The following LMTK3 variants were observed in gnomAD, a reference collection of about 807,000 sequenced individuals.
The protein encoded by LMTK3 is lemur tail kinase 3.
LMTK3 carries 27 observed loss-of-function variants against 116.7 expected under a neutral mutation model. The observed-to-expected ratio is 0.23, with a 90% CI of 0.17 to 0.32. LMTK3 has a LOEUF of 0.32. Ranked by LOEUF, LMTK3 falls within the 10% of genes least tolerant of loss-of-function variation. The pLI is 1.00. For missense variants in LMTK3, 1,764 were observed against 2,068.5 expected, an observed-to-expected ratio of 0.85 and a Z score of 2.86; for synonymous variants, 965 against 971.0, an observed-to-expected ratio of 0.99 and a Z score of 0.11.
Position 48,499,816 on chromosome 19 carries a change from CG to C in LMTK3, c.1252del (p.Arg418GlyfsTer117). Reference protein sequence around the residue: ...LTYLLSERPPRPPPPPPPPRD... With the variant: ...LTYLLSERPPXPPPPPPPPRD... ...GGGTGGGGGTGGCGGCGGTGGGGGCCGGGGAGGCCGCTCGGAGAGCAAGTAG... is the reference window on the plus strand; with the variant it reads ...GGGTGGGGGTGGCGGCGGTGGGGGCCGGGAGGCCGCTCGGAGAGCAAGTAG... On this transcript the variant is annotated frameshift_variant, in exon 11 of 15. Transcript: ENST00000600059. LOFTEE classifies it high-confidence loss of function. The C allele has an allele frequency of 8.0e-7, 1 of 1,243,642 alleles. No homozygotes were observed. Among genetic ancestry groups the C allele is most frequent in the Non-Finnish European group, 1.1e-6 (1 of 918,846 alleles). 77.0% of individuals were successfully genotyped at this position (1,243,642 alleles called of 1,614,324 possible).
intron 5 of LMTK3, among the ~76,000 whole-genome samples, chr19:48,508,067 G>A (rs963322770): frequency 2.0e-5 from 3 of 152,068 alleles, no homozygotes; most frequent in South Asian, 2.1e-4. Context: ...GATGCGCTGC[G>A]GCAGGGAATT....
chr19:48,487,436 A>G (rs1239680200), intron 14 of LMTK3, among the ~76,000 whole-genome samples: 1 of 152,066 alleles, frequency 6.6e-6, no homozygotes, highest in East Asian at 1.9e-4. Context: ...TGGTCTCACA[A>G]AGTGCTGGAA....
upstream of LMTK3, chr19:48,513,164 T>C: frequency 6.2e-7 from 1 of 1,604,062 alleles, no homozygotes; most frequent in Non-Finnish European, 8.5e-7. The surrounding 1 kb of genome is among the most constrained non-coding windows in gnomAD (Gnocchi z 5.6). Context: ...TACGCAGACA[T>C]TACACAACCA....
intron 5 of LMTK3, 47 bp downstream of exon 5, chr19:48,508,804 G>T: frequency 1.4e-6 from 2 of 1,415,680 alleles, no homozygotes; most frequent in Non-Finnish European, 2.0e-6. Flanking sequence ...TTCCACTCCT[G>T]AATGTCACCT....
chr19:48,488,931 G>A (rs1453020223), intron 14 of LMTK3, among the ~76,000 whole-genome samples: 4 of 152,068 alleles, frequency 2.6e-5, no homozygotes, highest in Admixed American at 2.6e-4. Context: ...TAGAGACAGG[G>A]TTTCTCCATG....
At chr19:48,512,418 A>G (rs2147565623), upstream of LMTK3, among the ~76,000 whole-genome samples, 1 of 152,234 alleles carries the variant, frequency 6.6e-6, no homozygotes, top group South Asian at 2.1e-4. Context: ...CCACAGACAA[A>G]GATCCCCACG....
At position 48,499,369 on chromosome 19, in the gene LMTK3, G is replaced by A. The variant is rs776850289; in HGVS notation, c.1700C>T (p.Pro567Leu). 2 of 1,425,166 alleles carry A rather than the reference G, an allele frequency of 1.4e-6. No individual in the cohort carries two copies. Among genetic ancestry groups the A allele is most frequent in the African/African-American group, 2.9e-5 (2 of 68,386 alleles). The allele number at this position is 1,425,166 out of a possible 1,614,324, so 88.3% of individuals were successfully genotyped here. Residue 567 changes from proline (P) to leucine (L), a missense_variant, in exon 11 of 15, where the codon CCT (proline) becomes CTT (leucine). Coordinates refer to ENST00000600059, the MANE Select transcript of LMTK3 (RefSeq NM_001388485.1). The part of the protein sequence containing the change: ...WDPLDPGVPA[P>L]QAPQAPSEVP... ...CTCGGAGGGGGCCTGGGGGGCCTGAGGGGCGGGCACTCCTGGGTCCAGGGG... is the reference window on the plus strand; with the variant it reads ...CTCGGAGGGGGCCTGGGGGGCCTGAAGGGCGGGCACTCCTGGGTCCAGGGG...
At position 48,499,201 on chromosome 19, in the gene LMTK3, C is replaced by T. The variant is rs989260435; in HGVS notation, c.1868G>A (p.Gly623Glu). 1.4e-6 allele frequency: 2 copies of T among 1,434,574 alleles called. No homozygotes were observed. The allele number at this position is 1,434,574 out of a possible 1,614,324, so 88.9% of individuals were successfully genotyped here. A position where few individuals can be genotyped will look rare whatever the true frequency, so the allele number is the denominator to read the frequency against. The change falls in exon 11 of 15, where the codon GGA becomes GAA. Residue 623 changes from glycine (G) to glutamate (E), a missense_variant. Physicochemically the swap from Gly to Glu is moderately conservative, Grantham distance 98 (BLOSUM62 -2). Coordinates refer to ENST00000600059, the MANE Select transcript of LMTK3 (RefSeq NM_001388485.1). Reference protein sequence around the residue: ...EGRGAGETLAGDPAEVLGERG... With the variant: ...EGRGAGETLAEDPAEVLGERG... ...CTCCCCCAAGACCTCGGCAGGGTCTCCCGCCAGGGTCTCCCCGGCGCCCCG... is the reference window on the plus strand; with the variant it reads ...CTCCCCCAAGACCTCGGCAGGGTCTTCCGCCAGGGTCTCCCCGGCGCCCCG...
chr19:48,513,476 C>T (rs1972693510), upstream of LMTK3: 2 of 400,426 alleles, frequency 5.0e-6, no homozygotes, highest in Non-Finnish European at 4.6e-6. This position sits in a 1 kb window ranked among gnomAD's most constrained non-coding sequence, Gnocchi z 5.6. Flanking sequence ...GACACACATA[C>T]ATCACGTGCC....
intron 14 of LMTK3, among the ~76,000 whole-genome samples, chr19:48,486,413 A>G (rs1972126588): frequency 6.6e-6 from 1 of 151,966 alleles, no homozygotes; most frequent in Non-Finnish European, 1.5e-5. Flanking sequence ...TCCCCTCCAC[A>G]GAGTCCTTCC....
At position 48,499,954 on chromosome 19, in the gene LMTK3, C is replaced by T. The variant is rs1213800488; in HGVS notation, c.1152-37G>A. The T allele has an allele frequency of 3.3e-6, 5 of 1,532,718 alleles. No individual in the cohort carries two copies. In the East Asian group the frequency reaches 7.1e-5, roughly 22 times the overall value. 94.9% of individuals were successfully genotyped at this position (1,532,718 alleles called of 1,614,324 possible). ...TGGGGCAGAGTGAGCAGGGCAGAGACCCAGGGAGGGGAAAGAGACCCAGGG... is the reference window on the plus strand; with the variant it reads ...TGGGGCAGAGTGAGCAGGGCAGAGATCCAGGGAGGGGAAAGAGACCCAGGG... On this transcript the variant is annotated intron_variant, in intron 10 of 14. Transcript: ENST00000600059.
At position 48,497,324 on chromosome 19, in the gene LMTK3, A is replaced by G; in HGVS notation, c.3676+69T>C. On this transcript the variant is annotated intron_variant, in intron 11 of 14. Coordinates refer to ENST00000600059, the MANE Select transcript of LMTK3 (RefSeq NM_001388485.1). This position sits in a 1 kb window ranked among gnomAD's most constrained non-coding sequence, Gnocchi z 5.7. ...CCAGCCCGACCCGACATGTTTACCC[A>G]CACTCACCCTCCGCACGCCTCGGAA... 7.2e-7 allele frequency: 1 copy of G among 1,385,564 alleles called. No homozygotes were observed. Among genetic ancestry groups the G allele is most frequent in the Non-Finnish European group, 9.4e-7 (1 of 1,061,016 alleles). The allele number at this position is 1,385,564 out of a possible 1,614,324, so 85.8% of individuals were successfully genotyped here.
In LMTK3 at chr19:48,497,847, G is replaced by C; in HGVS notation, c.3222C>G (p.Pro1074=). 7.0e-7 allele frequency: 1 copy of C among 1,421,766 alleles called. No individual in the cohort carries two copies. The highest frequency in any genetic ancestry group is 9.1e-7 in the Non-Finnish European group (1 of 1,093,036). 88.1% of individuals were successfully genotyped at this position (1,421,766 alleles called of 1,614,324 possible). A position where few individuals can be genotyped will look rare whatever the true frequency, so the allele number is the denominator to read the frequency against. ...SRNGGETAPG[P]LGPAPKNGTL... Reference sequence around the variant, plus strand: ...TCCCGTTCTTGGGGGCTGGGCCAAGGGGGCCAGGGGCTGTCTCCCCGCCGT... The same window carrying C: ...TCCCGTTCTTGGGGGCTGGGCCAAGCGGGCCAGGGGCTGTCTCCCCGCCGT... Residue 1074 remains proline (P), a synonymous_variant, in exon 11 of 15, where the codon CCC becomes CCG. Coordinates refer to ENST00000600059, the MANE Select transcript of LMTK3 (RefSeq NM_001388485.1). The surrounding 1 kb of genome is among the most constrained non-coding windows in gnomAD (Gnocchi z 5.7).
chr19:48,488,422 G>T (rs1195616757), intron 14 of LMTK3, among the ~76,000 whole-genome samples: 1 of 151,712 alleles, frequency 6.6e-6, no homozygotes, highest in African/African-American at 2.4e-5. Flanking sequence ...TTGCCCTTCT[G>T]CCCCCAAGAG....
At position 48,491,661 on chromosome 19, in the gene LMTK3, C is replaced by T. The variant is rs1972229413; in HGVS notation, c.4093-122G>A. 2.3e-6 allele frequency: 2 copies of T among 878,202 alleles called. No individual in the cohort carries two copies. The highest frequency in any genetic ancestry group is 3.0e-6 in the Non-Finnish European group (2 of 656,078). 54.4% of individuals were successfully genotyped at this position (878,202 alleles called of 1,614,324 possible). ...GGCTCTAGGAATCCCAATTTGTAATCACTGACTCGCACGCTCTGGAGAGGT... is the reference window on the plus strand; with the variant it reads ...GGCTCTAGGAATCCCAATTTGTAATTACTGACTCGCACGCTCTGGAGAGGT... On this transcript the variant is annotated intron_variant, in intron 12 of 14. Transcript: ENST00000600059. The surrounding 1 kb of genome is among the most constrained non-coding windows in gnomAD (Gnocchi z 5.1).
upstream of LMTK3, chr19:48,513,450 C>A: frequency 3.8e-6 from 2 of 521,852 alleles, no homozygotes; most frequent in South Asian, 2.2e-5. The surrounding 1 kb of genome is among the most constrained non-coding windows in gnomAD (Gnocchi z 5.6). Context: ...TCGGGGACAC[C>A]GACACATCAG....
Position 48,494,781 on chromosome 19 carries a change from G to T in LMTK3, c.3677-672C>A, listed in dbSNP as rs531082089. 1.6e-4 allele frequency among the ~76,000 whole-genome samples: 24 copies of T among 152,152 alleles called. No homozygotes were observed. Among genetic ancestry groups the T allele is most frequent in the African/African-American group, 5.6e-4 (23 of 41,436 alleles). On this transcript the variant is annotated intron_variant, in intron 11 of 14. Transcript: ENST00000600059. The surrounding 1 kb of genome is among the most constrained non-coding windows in gnomAD (Gnocchi z 4.0). ...GGCAGGGAGAAAGATGAATGCAGACGGTCCCTCTCAGGTCCTCGTTCTCTC... is the reference window on the plus strand; with the variant it reads ...GGCAGGGAGAAAGATGAATGCAGACTGTCCCTCTCAGGTCCTCGTTCTCTC...
In LMTK3 at chr19:48,491,254, GAAGGA is replaced by G. The variant is rs1451514872; in HGVS notation, c.4229-14_4229-10del. 1.9e-5 allele frequency: 27 copies of G among 1,400,546 alleles called. No individual in the cohort carries two copies. In the East Asian group the frequency reaches 6.6e-4, roughly 34 times the overall value. The allele number at this position is 1,400,546 out of a possible 1,614,324, so 86.8% of individuals were successfully genotyped here. A position where few individuals can be genotyped will look rare whatever the true frequency, so the allele number is the denominator to read the frequency against. ...CCACTCGAAACTGCCTCCTGCGGCA[GAAGGA>G]AAGACCGCGGTCAGGCTGCAGACAC... On this transcript the variant is annotated splice_polypyrimidine_tract_variant and intron_variant, in intron 13 of 14. Transcript: ENST00000600059. This position sits in a 1 kb window ranked among gnomAD's most constrained non-coding sequence, Gnocchi z 5.1.
intron 4 of LMTK3, among the ~76,000 whole-genome samples, chr19:48,509,215 G>A (rs1387784052): frequency 6.6e-6 from 1 of 151,884 alleles, no homozygotes; most frequent in Non-Finnish European, 1.5e-5. Context: ...GTGGCGCGGC[G>A]GAGTGGTCAA....
Sources: gnomAD v4.1 joint callset for allele counts (sites outside exome capture counted in the v4.1 genomes callset) on GRCh38, gnomAD v4.1.1 for gene constraint, Gnocchi (gnomAD v3.1) non-coding constraint, MANE v1.5 for transcripts, NCBI Gene and HGNC (gene_info 2026-07-23, HGNC 2026-07-21) for gene names.